Variants in PCM1 observed in about 807,000 individuals in gnomAD.
The protein encoded by PCM1 is pericentriolar material 1, also known as pericentriolar material 1 protein.
Under a neutral mutation model 241.9 loss-of-function variants are expected in PCM1, and 157 were observed. The observed-to-expected ratio is 0.65, with a 90% confidence interval of 0.57 to 0.74. The LOEUF (loss-of-function observed/expected upper bound fraction) is 0.74. PCM1 is among the 30% of genes least tolerant of loss of function. The probability of loss-of-function intolerance (pLI) is 0.00; values close to 1 mark genes in which losing one functional copy is unlikely to be tolerated. For missense variants in PCM1, 3,478 were observed against 2,360.1 expected (o/e 1.47, Z -9.81); for synonymous variants, 1,085 against 784.9 (o/e 1.38, Z -6.39).
At chr8:17,981,185 C>CT (rs1185147456) in intron 24 of PCM1, among the ~76,000 whole-genome samples, 1 of 152,204 alleles carries the variant, frequency 6.6e-6, no homozygotes, top group Non-Finnish European at 1.5e-5. Context: ...TCAACACACT[C>CT]TGCCTTGAAC....
At position 17,972,654 on chromosome 8, in the gene PCM1, T is replaced by A; in HGVS notation, c.3910T>A (p.Ser1304Thr). 6.4e-7 allele frequency: 1 copy of A among 1,573,534 alleles called. No homozygotes were observed. Among genetic ancestry groups the A allele is most frequent in the Non-Finnish European group, 8.6e-7 (1 of 1,163,130 alleles). Reference sequence around the variant, plus strand: ...CAAGTCAAAAAGTAAGAAGAGGAATTCTACTCAGCTGAAAAGCAGAGTTAA... The same window carrying A: ...CAAGTCAAAAAGTAAGAAGAGGAATACTACTCAGCTGAAAAGCAGAGTTAA... The part of the protein sequence containing the change: ...TPKSKSKKRN[S>T]TQLKSRVKNI... Residue 1304 changes from serine to threonine, a missense_variant, in exon 23 of 39, where the codon TCT becomes ACT. Physicochemically the swap from Ser to Thr is moderately conservative, Grantham distance 58. Coordinates refer to ENST00000325083, the MANE Select transcript of PCM1 (RefSeq NM_006197.4).
intron 6 of PCM1, among the ~76,000 whole-genome samples, chr8:17,945,825 C>T (rs2063589854): frequency 6.6e-6 from 1 of 152,112 alleles, no homozygotes; most frequent in Non-Finnish European, 1.5e-5. Flanking sequence ...AACTTCTTTG[C>T]TCTCTTTAGT....
intron 6 of PCM1, among the ~76,000 whole-genome samples, chr8:17,943,680 G>T (rs2062900397): frequency 6.6e-6 from 1 of 151,826 alleles, no homozygotes; most frequent in Non-Finnish European, 1.5e-5. Context: ...CTGTCTCGTT[G>T]TTCTGTTAGT....
rs752081094 is a variant in PCM1 at position 17,972,649 on chromosome 8, G to A, written c.3905G>A (p.Arg1302Lys). Reference protein sequence around the residue: ...DKTPKSKSKKRNSTQLKSRVK... With the variant: ...DKTPKSKSKKKNSTQLKSRVK... ...ACTCCCAAGTCAAAAAGTAAGAAGA[G>A]GAATTCTACTCAGCTGAAAAGCAGA... The change falls in exon 23 of 39, where the codon AGG becomes AAG. Residue 1302 changes from arginine (R) to lysine (K), a missense_variant. Arg to Lys is a conservative substitution (Grantham distance 26). Transcript: ENST00000325083. 3.2e-6 allele frequency: 5 copies of A among 1,576,398 alleles called. No individual in the cohort carries two copies. Among genetic ancestry groups the A allele is most frequent in the East Asian group, 2.2e-5 (1 of 44,454 alleles).
intron 6 of PCM1, among the ~76,000 whole-genome samples, chr8:17,945,000 A>G (rs1230761617): frequency 6.6e-6 from 1 of 152,104 alleles, no homozygotes; most frequent in Non-Finnish European, 1.5e-5. Flanking sequence ...TTTTCTCCTA[A>G]TTATAATTTA....
In PCM1 at chr8:18,011,826, A is replaced by AGG. The variant is rs2092557870; in HGVS notation, c.5511_5511+1dup. On this transcript the variant is annotated frameshift_variant and splice_region_variant, in exon 34 of 39. Coordinates refer to ENST00000325083, the MANE Select transcript of PCM1 (RefSeq NM_006197.4). LOFTEE classifies it high-confidence loss of function. ...ACTGAAGAAAATGAACATGATGAAC[A>AGG]GGTATTCCCGTATTGACTGACACAC... The AGG allele has an allele frequency of 6.2e-7, 1 of 1,611,718 alleles. No homozygotes were observed. The highest frequency in any genetic ancestry group is 8.5e-7 in the Non-Finnish European group (1 of 1,179,160).
At chr8:17,986,264 A>C (rs1587857324) in intron 26 of PCM1, 177 bp downstream of exon 26, 2 of 433,668 alleles carry the variant, frequency 4.6e-6, no homozygotes, top group Non-Finnish European at 8.0e-6. Flanking sequence ...TGCAATCAAA[A>C]TATGGTAGCA....
At chr8:18,013,242 C>G (rs2129485963) in intron 34 of PCM1, among the ~76,000 whole-genome samples, 1 of 152,212 alleles carries the variant, frequency 6.6e-6, no homozygotes, top group East Asian at 1.9e-4. Context: ...TACAGGCATG[C>G]ACTAGATTAT....
chr8:17,970,020 T>C (rs1294906362), intron 22 of PCM1, among the ~76,000 whole-genome samples: 1 of 152,190 alleles, frequency 6.6e-6, no homozygotes, highest in Non-Finnish European at 1.5e-5. Context: ...TAAAGCAGTT[T>C]GCTGTTCAAT....
rs568717897 is a variant in PCM1 at position 18,010,923 on chromosome 8, A to T, written c.5220+255A>T. 3.5e-3 allele frequency among the ~76,000 whole-genome samples: 537 copies of T among 152,326 alleles called. 4 individuals are homozygous for T. The highest frequency in any genetic ancestry group is 0.013 in the African/African-American group (523 of 41,576). ...GGGAGGCAGAGGTGGTATTGAGCCG[A>T]GATCATGCCACTGCATTCCAGCCTG... On this transcript the variant is annotated intron_variant, in intron 32 of 38. Transcript: ENST00000325083.
At chr8:18,009,836 C>T (rs934482416) in intron 31 of PCM1, 92 bp downstream of exon 31, 1 of 783,392 alleles carries the variant, frequency 1.3e-6, no homozygotes, top group Non-Finnish European at 1.8e-6. Flanking sequence ...TTTACCTCAG[C>T]AAAAGTAGTT....
rs770022786 is a variant in PCM1, at chr8:17,980,729, G to T, written c.4082G>T (p.Cys1361Phe). ...GAGCAACTGGAAAAAATAATAAAATGTAATAGGTCTACAGAAATATCTTCA... is the reference window on the plus strand; with the variant it reads ...GAGCAACTGGAAAAAATAATAAAATTTAATAGGTCTACAGAAATATCTTCA... ...NHEQLEKIIK[C>F]NRSTEISSET... The change falls in exon 24 of 39, where the codon TGT (cysteine) becomes TTT (phenylalanine). Residue 1361 changes from cysteine to phenylalanine, a missense_variant. By Grantham distance (205) the Cys-to-Phe change is radical. Coordinates refer to ENST00000325083, the MANE Select transcript of PCM1 (RefSeq NM_006197.4). The T allele has an allele frequency of 3.5e-5, 56 of 1,610,770 alleles. 2 individuals carry two copies. In the South Asian group the frequency reaches 5.9e-4, roughly 17 times the overall value.
intron 23 of PCM1, among the ~76,000 whole-genome samples, chr8:17,977,091 T>C (rs1587586559): frequency 6.6e-6 from 1 of 152,350 alleles, no homozygotes; most frequent in Non-Finnish European, 1.5e-5. Context: ...ATGTTTAATT[T>C]CACTTATATA....
At chr8:17,968,762 G>A (rs417868) in intron 21 of PCM1, among the ~76,000 whole-genome samples, 2,185 of 136,734 alleles carry the variant, frequency 0.016, 50 homozygotes, top group African/African-American at 0.045. Context: ...GTGTGTGTGT[G>A]TATATATATA....
chr8:17,932,938 C>T (rs1392493104), intron 2 of PCM1, among the ~76,000 whole-genome samples: 1 of 152,076 alleles, frequency 6.6e-6, no homozygotes, highest in Admixed American at 6.5e-5. Context: ...TTCTGTGTGT[C>T]TGGGATGGAT....
chr8:17,951,480 T>C (rs2065987668), intron 8 of PCM1, among the ~76,000 whole-genome samples: 1 of 152,216 alleles, frequency 6.6e-6, no homozygotes, highest in South Asian at 2.1e-4. Context: ...ATGGCAACTC[T>C]GTGTTAATAG....
chr8:18,011,955 T>A, intron 34 of PCM1, 128 bp downstream of exon 34: 1 of 784,202 alleles, frequency 1.3e-6, no homozygotes, highest in Non-Finnish European at 2.0e-6. Context: ...CAAGCCTCAT[T>A]AATATGCTTA....
rs1586012720 is a variant in PCM1, at chr8:17,939,672, A to G, written c.613-19A>G. On this transcript the variant is annotated intron_variant, in intron 5 of 38. Coordinates refer to ENST00000325083, the MANE Select transcript of PCM1 (RefSeq NM_006197.4). The stretch of plus-strand genomic sequence containing the variant: ...TGTGTACTTTCATGCTTTTTTTAAA[A>G]AAAATATTTCCCCTGCAGATTGTAA... The G allele has an allele frequency of 1.7e-5, 25 of 1,453,618 alleles. No individual in the cohort carries two copies. Among genetic ancestry groups the G allele is most frequent in the Non-Finnish European group, 2.3e-5 (25 of 1,089,172 alleles). 90.0% of individuals were successfully genotyped at this position (1,453,618 alleles called of 1,614,324 possible). A position where few individuals can be genotyped will look rare whatever the true frequency, so the allele number is the denominator to read the frequency against.
chr8:17,964,570 C>T lies in PCM1; in HGVS notation c.2657C>T (p.Thr886Met), dbSNP rs371100049. The change falls in exon 18 of 39, where the codon ACG (threonine) becomes ATG (methionine). Residue 886 changes from threonine (T) to methionine (M), a missense_variant and splice_region_variant. Thr to Met is a moderately conservative substitution (Grantham distance 81). Coordinates refer to ENST00000325083, the MANE Select transcript of PCM1 (RefSeq NM_006197.4). ...GTTTTATGTCTCTTAATCACTAGAACGATGGCAACTTGGGGAGGGTCTACC... is the reference window on the plus strand; with the variant it reads ...GTTTTATGTCTCTTAATCACTAGAATGATGGCAACTTGGGGAGGGTCTACC... Reference protein sequence around the residue: ...CTPQQSRTEKTMATWGGSTQC... With the variant: ...CTPQQSRTEKMMATWGGSTQC... 7.4e-6 allele frequency: 12 copies of T among 1,611,676 alleles called. No homozygotes were observed. The highest frequency in any genetic ancestry group is 3.3e-5 in the South Asian group (3 of 90,874).
Sources: gnomAD v4.1 joint callset for allele counts (sites outside exome capture counted in the v4.1 genomes callset) on GRCh38, gnomAD v4.1.1 for gene constraint, MANE v1.5 for transcripts, NCBI Gene and HGNC (gene_info 2026-07-23, HGNC 2026-07-21) for gene names.